Variants in RALGAPB observed in about 807,000 individuals in gnomAD.
RALGAPB encodes Ral GTPase activating protein non-catalytic subunit beta.
In RALGAPB, 25 loss-of-function variants were observed where a neutral mutation model predicts 161.1. The ratio of observed to expected loss-of-function variants is 0.16; its 90% CI spans 0.11 to 0.22. The LOEUF (loss-of-function observed/expected upper bound fraction) is 0.22. Among genes scored for constraint, RALGAPB ranks in the 10% least tolerant of loss-of-function variants. RALGAPB has a pLI of 1.00. For missense variants in RALGAPB, 1,391 were observed against 1,815.2 expected (o/e 0.77, Z 4.25); for synonymous variants, 629 against 626.1 (o/e 1.00, Z -0.07).
At chr20:38,533,047 A>G (rs568486253) in intron 15 of RALGAPB, among the ~76,000 whole-genome samples, 188 bp downstream of exon 15, 23 of 152,270 alleles carry the variant, frequency 1.5e-4, no homozygotes, top group African/African-American at 5.1e-4. Flanking sequence ...GCTTTTGGGT[A>G]GTATATTAGA....
intron 3 of RALGAPB, among the ~76,000 whole-genome samples, chr20:38,493,931 G>A (rs572542673): frequency 6.6e-5 from 10 of 152,214 alleles, no homozygotes; most frequent in African/African-American, 1.2e-4. Context: ...AGACTCGTAA[G>A]TCAGACATTC....
chr20:38,546,303 T>C lies in RALGAPB; in HGVS notation c.2775T>C (p.Leu925=). ...GTGGTCCTGCCTCTCCTTGTAGTCTTGTGAATGAGACCACTTTGATTAAAT... is the reference window on the plus strand; with the variant it reads ...GTGGTCCTGCCTCTCCTTGTAGTCTCGTGAATGAGACCACTTTGATTAAAT... ...SPSGPASPCS[L]VNETTLIKYS... is the part of the protein sequence containing the mutation. Residue 925 remains leucine (L), a synonymous_variant, in exon 19 of 30, where the codon CTT becomes CTC. Coordinates refer to ENST00000262879, the MANE Select transcript of RALGAPB (RefSeq NM_020336.4). 1 of 1,614,176 alleles carries C rather than the reference T, an allele frequency of 6.2e-7. No homozygotes were observed. The highest frequency in any genetic ancestry group is 8.5e-7 in the Non-Finnish European group (1 of 1,180,000).
intron 1 of RALGAPB, among the ~76,000 whole-genome samples, chr20:38,479,211 C>G (rs974200924): frequency 2.6e-5 from 4 of 152,122 alleles, no homozygotes; most frequent in Non-Finnish European, 4.4e-5. Context: ...AGGATTTGTC[C>G]TAAATCCTAG....
chr20:38,498,554 C>T (rs934383512), intron 4 of RALGAPB, among the ~76,000 whole-genome samples: 2 of 152,238 alleles, frequency 1.3e-5, no homozygotes, highest in Non-Finnish European at 1.5e-5. Flanking sequence ...ATTGATTCAT[C>T]ACCTCTCTGC....
chr20:38,540,062 T>C, intron 17 of RALGAPB, 104 bp downstream of exon 17: 1 of 982,434 alleles, frequency 1.0e-6, no homozygotes, highest in East Asian at 2.7e-5. Flanking sequence ...ATTGCACACT[T>C]TAAACTGAAA....
chr20:38,550,525 GAAGGGGACCAGGA>G (rs1176660169), intron 20 of RALGAPB, among the ~76,000 whole-genome samples: 3 of 152,266 alleles, frequency 2.0e-5, no homozygotes, highest in Admixed American at 1.3e-4. Context: ...GACTGAAGAG[GAAGGGGACCAGGA>G]AAGGAGCTAA....
intron 16 of RALGAPB, 72 bp downstream of exon 16, chr20:38,535,279 C>G: frequency 1.3e-6 from 2 of 1,509,478 alleles, no homozygotes. Flanking sequence ...ATCTCTTAAC[C>G]CCTTGTGTGG....
intron 2 of RALGAPB, 146 bp downstream of exon 2, chr20:38,488,764 G>T (rs977471169): frequency 2.6e-6 from 2 of 764,018 alleles, no homozygotes; most frequent in African/African-American, 3.5e-5. Flanking sequence ...TCTCCCCAAC[G>T]TAGTATGACT....
At chr20:38,563,497 A>G (rs2087864932) in intron 24 of RALGAPB, among the ~76,000 whole-genome samples, 1 of 152,206 alleles carries the variant, frequency 6.6e-6, no homozygotes, top group Non-Finnish European at 1.5e-5. Flanking sequence ...AGATCCTCTG[A>G]GGAACTGTAA....
chr20:38,517,502 T>A lies in RALGAPB; in HGVS notation c.1052-4T>A. 3 of 1,538,912 alleles carry A rather than the reference T, an allele frequency of 1.9e-6. No individual in the cohort carries two copies. Among genetic ancestry groups the A allele is most frequent in the Non-Finnish European group, 2.6e-6 (3 of 1,146,198 alleles). ...ATTTCATTTGTCTTTTTTTTTTTTT[T>A]AAGGTATTTCTAGACCCCGATCAGA... On this transcript the variant is annotated splice_polypyrimidine_tract_variant and splice_region_variant and intron_variant, in intron 7 of 29. Coordinates refer to ENST00000262879, the MANE Select transcript of RALGAPB (RefSeq NM_020336.4).
intron 16 of RALGAPB, among the ~76,000 whole-genome samples, chr20:38,539,302 A>G (rs559676117): frequency 6.6e-6 from 1 of 152,320 alleles, no homozygotes; most frequent in African/African-American, 2.4e-5. Context: ...GGTGATAGAT[A>G]CATCCGCTGT....
chr20:38,511,399 A>G (rs2123043168), intron 6 of RALGAPB, among the ~76,000 whole-genome samples: 1 of 150,926 alleles, frequency 6.6e-6, no homozygotes, highest in African/African-American at 2.4e-5. Context: ...TGGCAGGGTC[A>G]TAGGACAATA....
intron 21 of RALGAPB, among the ~76,000 whole-genome samples, chr20:38,551,752 T>C (rs1350083067): frequency 6.6e-5 from 10 of 151,888 alleles, no homozygotes; most frequent in Non-Finnish European, 1.3e-4. Context: ...ATGGGAAAAA[T>C]TTATTTGGCT....
chr20:38,557,987 G>A (rs2087647447), intron 22 of RALGAPB, among the ~76,000 whole-genome samples: 1 of 152,104 alleles, frequency 6.6e-6, no homozygotes. Context: ...CATTTCACCA[G>A]TAAGGAATGA....
In RALGAPB at chr20:38,495,178, G is replaced by A. The variant is rs1322490006; in HGVS notation, c.389+2046G>A. 2.0e-5 allele frequency among the ~76,000 whole-genome samples: 3 copies of A among 152,152 alleles called. No homozygotes were observed. The East Asian group carries it at 5.8e-4, about 29-fold the overall frequency. On this transcript the variant is annotated intron_variant, in intron 3 of 29. Transcript: ENST00000262879. ...GATAGTTCACAAAACTGTCATCTAA[G>A]TTTACTTAATTAGTTGTTTTTATAA...
intron 5 of RALGAPB, among the ~76,000 whole-genome samples, chr20:38,502,691 C>A (rs1001614401): frequency 6.6e-6 from 1 of 152,324 alleles, no homozygotes; most frequent in Admixed American, 6.5e-5. Flanking sequence ...CAGCCTCTGC[C>A]TCCCATGCTC....
intron 6 of RALGAPB, among the ~76,000 whole-genome samples, chr20:38,509,766 T>C (rs183485086): frequency 6.6e-6 from 1 of 152,350 alleles, no homozygotes; most frequent in African/African-American, 2.4e-5. Flanking sequence ...CTGTAGAACA[T>C]TTATTCTGTT....
At chr20:38,528,232 A>G (rs16987373) in intron 13 of RALGAPB, among the ~76,000 whole-genome samples, 17,904 of 152,104 alleles carry the variant, frequency 0.12, 2,889 homozygotes, top group African/African-American at 0.36. Context: ...TCCTTAGTTT[A>G]TATTACCCTT....
chr20:38,527,846 G>A (rs1352424935), intron 13 of RALGAPB, among the ~76,000 whole-genome samples: 3 of 152,206 alleles, frequency 2.0e-5, no homozygotes. Context: ...AGAGTCAGTT[G>A]TTACTCTTGC....
Sources: gnomAD v4.1 joint callset for allele counts (sites outside exome capture counted in the v4.1 genomes callset) on GRCh38, gnomAD v4.1.1 for gene constraint, MANE v1.5 for transcripts, NCBI Gene and HGNC (gene_info 2026-07-23, HGNC 2026-07-21) for gene names.